The following PPARGC1A variants were observed in gnomAD, a reference collection of about 807,000 sequenced individuals.
The protein encoded by PPARGC1A is PPARG coactivator 1 alpha.
Under a neutral mutation model 88.7 loss-of-function variants are expected in PPARGC1A, and 25 were observed. The observed-to-expected ratio is 0.28, with a 90% CI of 0.21 to 0.39. PPARGC1A has a LOEUF of 0.39. Among genes scored for constraint, PPARGC1A ranks in the 10% least tolerant of loss-of-function variants. The probability of loss-of-function intolerance (pLI) is 1.00; values close to 1 mark genes in which losing one functional copy is unlikely to be tolerated. For missense variants in PPARGC1A, 880 were observed against 968.7 expected, an observed-to-expected ratio of 0.91 and a Z score of 1.22; for synonymous variants, 363 against 355.6, an observed-to-expected ratio of 1.02 and a Z score of -0.24.
the PPARGC1A span, among the ~76,000 whole-genome samples, chr4:24,130,840 G>C: frequency 6.6e-6 from 1 of 152,116 alleles, no homozygotes; most frequent in Non-Finnish European, 1.5e-5. Flanking sequence ...CCTTAGTACA[G>C]AGTACCAGCC....
the PPARGC1A span, among the ~76,000 whole-genome samples, chr4:24,350,120 C>A: frequency 1.3e-5 from 2 of 152,212 alleles, no homozygotes; most frequent in Non-Finnish European, 2.9e-5. Flanking sequence ...CCCTTTCCCA[C>A]TTCTGCAGTT....
the PPARGC1A span, among the ~76,000 whole-genome samples, chr4:24,122,451 AG>A: frequency 4.7e-4 from 71 of 150,522 alleles, no homozygotes; most frequent in East Asian, 1.6e-3. Flanking sequence ...AGAGAGAGAG[AG>A]AGAGAGAGAT....
At chr4:24,324,442 G>A in the PPARGC1A span, among the ~76,000 whole-genome samples, 12 of 150,238 alleles carry the variant, frequency 8.0e-5, no homozygotes, top group East Asian at 1.2e-3. Context: ...CCCCTTCTCC[G>A]TGTCTCTACT....
chr4:23,921,736 G>T, the PPARGC1A span, among the ~76,000 whole-genome samples: 1 of 152,222 alleles, frequency 6.6e-6, no homozygotes, highest in Non-Finnish European at 1.5e-5. Context: ...ATACTTCGTG[G>T]ATTAGTTGGG....
At chr4:24,359,018 C>T in the PPARGC1A span, among the ~76,000 whole-genome samples, 3 of 152,212 alleles carry the variant, frequency 2.0e-5, no homozygotes, top group African/African-American at 7.2e-5. Context: ...CCAGCACTCC[C>T]ATTTCTGTTG....
the PPARGC1A span, among the ~76,000 whole-genome samples, chr4:23,993,221 T>C: frequency 1.3e-5 from 2 of 152,186 alleles, no homozygotes; most frequent in Admixed American, 6.5e-5. Context: ...TTATTGAGTA[T>C]CTCTCTGTGC....
the PPARGC1A span, among the ~76,000 whole-genome samples, chr4:24,332,875 ATTTC>A: frequency 2.6e-5 from 4 of 152,330 alleles, no homozygotes; most frequent in African/African-American, 9.6e-5. Context: ...ACTGAAGACA[ATTTC>A]TTTATTTACC....
intron 2 of PPARGC1A, among the ~76,000 whole-genome samples, chr4:23,868,209 G>C (rs545781059): frequency 6.6e-6 from 1 of 152,192 alleles, no homozygotes; most frequent in Admixed American, 6.5e-5. Flanking sequence ...ATGCACATTC[G>C]CTTAACACAA....
the PPARGC1A span, among the ~76,000 whole-genome samples, chr4:24,071,551 G>C: frequency 5.9e-5 from 9 of 151,586 alleles, no homozygotes; most frequent in East Asian, 5.8e-4. Flanking sequence ...ATTTTTATTG[G>C]TCCATTATAC....
the PPARGC1A span, among the ~76,000 whole-genome samples, chr4:24,296,895 T>G: frequency 6.6e-6 from 1 of 152,228 alleles, no homozygotes; most frequent in South Asian, 2.1e-4. Flanking sequence ...CAAGTATATC[T>G]CCTCCTATCT....
chr4:24,357,388 T>C, the PPARGC1A span, among the ~76,000 whole-genome samples: 3 of 152,184 alleles, frequency 2.0e-5, no homozygotes, highest in Non-Finnish European at 4.4e-5. Context: ...GATTATACTA[T>C]CTCTTTGTCA....
chr4:24,311,141 C>T, the PPARGC1A span, among the ~76,000 whole-genome samples: 6 of 115,776 alleles, frequency 5.2e-5, no homozygotes, highest in Admixed American at 7.1e-4. Context: ...GCTCTGTCAC[C>T]CAGGCTAGAG....
At chr4:24,024,146 C>T in the PPARGC1A span, among the ~76,000 whole-genome samples, 1 of 152,144 alleles carries the variant, frequency 6.6e-6, no homozygotes. Context: ...TTGATGGACA[C>T]CTTACTAAGT....
At chr4:24,432,834 G>A in the PPARGC1A span, among the ~76,000 whole-genome samples, 3 of 152,188 alleles carry the variant, frequency 2.0e-5, no homozygotes, top group Non-Finnish European at 4.4e-5. Context: ...CTGCTCAGGT[G>A]GCCGCCTTGC....
the PPARGC1A span, among the ~76,000 whole-genome samples, chr4:23,933,031 C>T: frequency 6.6e-6 from 1 of 152,262 alleles, no homozygotes; most frequent in African/African-American, 2.4e-5. Flanking sequence ...TCAGAAAACC[C>T]TAAAGGGAAA....
At chr4:24,401,124 T>C in the PPARGC1A span, among the ~76,000 whole-genome samples, 1 of 145,990 alleles carries the variant, frequency 6.8e-6, no homozygotes, top group Non-Finnish European at 1.5e-5. Context: ...GTTCACGCCA[T>C]TCTCCTGCTT....
the PPARGC1A span, among the ~76,000 whole-genome samples, chr4:24,400,365 C>G: frequency 2.6e-5 from 4 of 152,262 alleles, no homozygotes; most frequent in East Asian, 7.7e-4. Flanking sequence ...TGGGCCTAGC[C>G]TGCCAGGCTA....
the PPARGC1A span, among the ~76,000 whole-genome samples, chr4:24,017,674 T>C: frequency 1.3e-5 from 2 of 152,180 alleles, no homozygotes; most frequent in Non-Finnish European, 2.9e-5. Context: ...TAGCAATCTT[T>C]ACTGACAACA....
the PPARGC1A span, among the ~76,000 whole-genome samples, chr4:24,348,536 G>A: frequency 6.6e-6 from 1 of 152,034 alleles, no homozygotes; most frequent in South Asian, 2.1e-4. Flanking sequence ...GTTGAATTAG[G>A]TTAATTCAAA....
Sources: gnomAD v4.1 joint callset for allele counts (sites outside exome capture counted in the v4.1 genomes callset) on GRCh38, gnomAD v4.1.1 for gene constraint, MANE v1.5 for transcripts, NCBI Gene and HGNC (gene_info 2026-07-23, HGNC 2026-07-21) for gene names.